PCDHGA10: variants seen among roughly 807,000 people sequenced by gnomAD.
PCDHGA10 encodes the protein protocadherin gamma-A10.
A neutral mutation model predicts 59.5 loss-of-function variants in PCDHGA10; 42 were observed. The observed-to-expected ratio is 0.71, with a 90% CI of 0.55 to 0.91. The LOEUF (loss-of-function observed/expected upper bound fraction) is 0.91. Ranked by LOEUF, PCDHGA10 falls within the 40% of genes least tolerant of loss-of-function variation. PCDHGA10 has a pLI of 0.00. For missense variants in PCDHGA10, 1,111 were observed against 1,198.2 expected, an observed-to-expected ratio of 0.93 and a Z score of 1.07; for synonymous variants, 511 against 517.2, an observed-to-expected ratio of 0.99 and a Z score of 0.16.
At chr5:141,421,565 A>G (rs1373619696) in intron 1 of PCDHGA10, 1 of 1,613,952 alleles carries the variant, frequency 6.2e-7, no homozygotes, top group Admixed American at 1.7e-5. Context: ...CTCGTGGAAG[A>G]CACCTTGAAG....
At position 141,414,009 on chromosome 5, in the gene PCDHGA10, TGGA is replaced by T. The variant is rs2095701451; in HGVS notation, c.836_838del (p.Gly279del). 2 of 1,612,964 alleles carry T rather than the reference TGGA, an allele frequency of 1.2e-6. No homozygotes were observed. The highest frequency in any genetic ancestry group is 1.7e-4 in the Middle Eastern group (1 of 6,060). ...CCACCGACAGGGACGAAGGTGCCAA[TGGA>T]GAAGTGACATATTCATTCCGAAAAT... is the stretch of plus-strand genomic sequence containing the variant. On this transcript the variant is annotated inframe_deletion, in exon 1 of 4. Transcript: ENST00000398610.
In PCDHGA10 at chr5:141,477,868, C is replaced by T. The variant is rs1450078298; in HGVS notation, c.2437-16939C>T. 2 of 1,613,750 alleles carry T rather than the reference C, an allele frequency of 1.2e-6. No individual in the cohort carries two copies. Among genetic ancestry groups the T allele is most frequent in the Admixed American group, 3.3e-5 (2 of 59,988 alleles). On this transcript the variant is annotated intron_variant, in intron 1 of 3. Coordinates refer to ENST00000398610, the MANE Select transcript of PCDHGA10 (RefSeq NM_018913.3). This position sits in a 1 kb window ranked among gnomAD's most constrained non-coding sequence, Gnocchi z 4.9. ...CGGTGGAGATGCTGCCTCGAGGTAC[C>T]TCAGCTGGCCACCTAGTGTCACGGG...
chr5:141,478,435 G>A, intron 1 of PCDHGA10: 1 of 1,613,736 alleles, frequency 6.2e-7, no homozygotes, highest in Non-Finnish European at 8.5e-7. Context: ...ACCCGCTGCT[G>A]AAGAAACCTG....
intron 1 of PCDHGA10, among the ~76,000 whole-genome samples, chr5:141,450,547 C>T (rs182695399): frequency 3.4e-4 from 51 of 150,496 alleles, no homozygotes; most frequent in African/African-American, 1.0e-3. Context: ...AATGCAGTGG[C>T]GCAGTCTCGG....
intron 1 of PCDHGA10, chr5:141,478,305 C>T (rs775282798): frequency 2.5e-6 from 4 of 1,614,092 alleles, no homozygotes; most frequent in East Asian, 2.2e-5. Flanking sequence ...TACCGAGCCC[C>T]GGTGAGCTCA....
At chr5:141,419,276 CAA>C in intron 1 of PCDHGA10, 4 of 1,614,038 alleles carry the variant, frequency 2.5e-6, no homozygotes, top group Non-Finnish European at 3.4e-6. Flanking sequence ...CTCCATAGCG[CAA>C]GTCAGTGCCT....
chr5:141,459,827 A>T (rs779024675), intron 1 of PCDHGA10, among the ~76,000 whole-genome samples: 1 of 152,126 alleles, frequency 6.6e-6, no homozygotes, highest in Non-Finnish European at 1.5e-5. Context: ...GCAACTTTTC[A>T]TGTGTTGTCT....
At chr5:141,416,497 T>G (rs1426816820) in intron 1 of PCDHGA10, 3 of 152,116 alleles carry the variant, frequency 2.0e-5, no homozygotes, top group Non-Finnish European at 4.4e-5. Context: ...GAGCAAGAGA[T>G]ATATGACAAA....
In PCDHGA10 at chr5:141,415,465, A is replaced by G. The variant is rs751798354; in HGVS notation, c.2290A>G (p.Thr764Ala). 1.2e-5 allele frequency: 19 copies of G among 1,613,976 alleles called. No individual in the cohort carries two copies. The highest frequency in any genetic ancestry group is 1.5e-5 in the Non-Finnish European group (18 of 1,180,028). Reference sequence around the variant, plus strand: ...GACCTATTCCCACGAGGTCTCTCTCACCGCGGACTCGCGAAAGAGTCACCT... The same window carrying G: ...GACCTATTCCCACGAGGTCTCTCTCGCCGCGGACTCGCGAAAGAGTCACCT... ...LQTYSHEVSL[T>A]ADSRKSHLIF... Residue 764 changes from threonine (T) to alanine (A), a missense_variant, in exon 1 of 4, where the codon ACC becomes GCC. Coordinates refer to ENST00000398610, the MANE Select transcript of PCDHGA10 (RefSeq NM_018913.3).
chr5:141,476,040 G>T lies in PCDHGA10; in HGVS notation c.2437-18767G>T. On this transcript the variant is annotated intron_variant, in intron 1 of 3. Coordinates refer to ENST00000398610, the MANE Select transcript of PCDHGA10 (RefSeq NM_018913.3). This position sits in a 1 kb window ranked among gnomAD's most constrained non-coding sequence, Gnocchi z 7.6. ...CGGACTCGGCGCCCAGCGCCCAAGC[G>T]CTAACCCGCTGAAAGTTTCTCAGCG... is the stretch of plus-strand genomic sequence containing the variant. 1 of 1,488,704 alleles carries T rather than the reference G, an allele frequency of 6.7e-7. No homozygotes were observed. 92.2% of individuals were successfully genotyped at this position (1,488,704 alleles called of 1,614,324 possible).
intron 1 of PCDHGA10, among the ~76,000 whole-genome samples, chr5:141,436,557 A>G (rs1224841336): frequency 6.6e-6 from 1 of 152,218 alleles, no homozygotes; most frequent in Non-Finnish European, 1.5e-5. Flanking sequence ...GAGCTTCAGC[A>G]AAGTAGGAAT....
In PCDHGA10 at chr5:141,485,556, A is replaced by T; in HGVS notation, c.2437-9251A>T. On this transcript the variant is annotated intron_variant, in intron 1 of 3. Coordinates refer to ENST00000398610, the MANE Select transcript of PCDHGA10 (RefSeq NM_018913.3). This position sits in a 1 kb window ranked among gnomAD's most constrained non-coding sequence, Gnocchi z 5.7. ...GAGGTAGAGATCGTAGATGTGAATG[A>T]TCACGCCCCCCGTTTTCCGCGGCAG... is the stretch of plus-strand genomic sequence containing the variant. The T allele has an allele frequency of 6.2e-7, 1 of 1,613,664 alleles. No homozygotes were observed. Among genetic ancestry groups the T allele is most frequent in the Non-Finnish European group, 8.5e-7 (1 of 1,179,644 alleles).
intron 1 of PCDHGA10, chr5:141,419,226 C>T (rs560904796): frequency 1.9e-6 from 3 of 1,614,006 alleles, no homozygotes; most frequent in East Asian, 2.2e-5. Context: ...GGACAGTCAG[C>T]CTACCTGGTC....
chr5:141,445,456 T>A (rs921684111), intron 1 of PCDHGA10, among the ~76,000 whole-genome samples: 8 of 152,218 alleles, frequency 5.3e-5, no homozygotes, highest in Non-Finnish European at 1.0e-4. Flanking sequence ...GATGCAGCAA[T>A]GAACAAGGCA....
In PCDHGA10 at chr5:141,413,494, G is replaced by A. The variant is rs778441176; in HGVS notation, c.319G>A (p.Val107Met). The A allele has an allele frequency of 2.5e-5, 41 of 1,613,924 alleles. No homozygotes were observed. Among genetic ancestry groups the A allele is most frequent in the Non-Finnish European group, 3.1e-5 (37 of 1,179,948 alleles). Residue 107 changes from valine to methionine, a missense_variant, in exon 1 of 4, where the codon GTG becomes ATG. Val to Met is a conservative substitution (Grantham distance 21, BLOSUM62 1). Transcript: ENST00000398610. ...EELCAQSARCVVSFNILVEDR... is the reference protein window; with the variant it reads ...EELCAQSARCMVSFNILVEDR... Reference sequence around the variant, plus strand: ...GCTCTGCGCTCAGAGCGCGCGGTGCGTGGTGAGTTTTAATATCCTTGTGGA... The same window carrying A: ...GCTCTGCGCTCAGAGCGCGCGGTGCATGGTGAGTTTTAATATCCTTGTGGA...
Position 141,414,251 on chromosome 5 carries a change from C to T in PCDHGA10, c.1076C>T (p.Pro359Leu). 3 of 1,613,346 alleles carry T rather than the reference C, an allele frequency of 1.9e-6. No individual in the cohort carries two copies. The highest frequency in any genetic ancestry group is 2.5e-6 in the Non-Finnish European group (3 of 1,179,710). ...PELTITSLFS[P>L]VTEDSPLGTV... ...CTGACCATCACGTCTCTATTTAGTC[C>T]AGTGACTGAAGATTCACCTCTGGGA... Residue 359 changes from proline to leucine, a missense_variant, in exon 1 of 4, where the codon CCA (proline) becomes CTA (leucine). Coordinates refer to ENST00000398610, the MANE Select transcript of PCDHGA10 (RefSeq NM_018913.3).
chr5:141,477,453 A>G lies in PCDHGA10; in HGVS notation c.2437-17354A>G, dbSNP rs886363658. 1 of 1,614,018 alleles carries G rather than the reference A, an allele frequency of 6.2e-7. No homozygotes were observed. Among genetic ancestry groups the G allele is most frequent in the African/African-American group, 1.3e-5 (1 of 74,910 alleles). The stretch of plus-strand genomic sequence containing the variant: ...TCAGCCCTTACAATAGTGCGTGTTC[A>G]AGTGTCCGACATCAATGACAACCCT... On this transcript the variant is annotated intron_variant, in intron 1 of 3. Coordinates refer to ENST00000398610, the MANE Select transcript of PCDHGA10 (RefSeq NM_018913.3). This position sits in a 1 kb window ranked among gnomAD's most constrained non-coding sequence, Gnocchi z 4.9.
chr5:141,485,431 C>G lies in PCDHGA10; in HGVS notation c.2437-9376C>G, dbSNP rs1594481071. ...ATTTGGACAGCGGAGCCCTGCTCAT[C>G]AAGAACCCAATCGACCGAGAGGCAC... On this transcript the variant is annotated intron_variant, in intron 1 of 3. Coordinates refer to ENST00000398610, the MANE Select transcript of PCDHGA10 (RefSeq NM_018913.3). The surrounding 1 kb of genome is among the most constrained non-coding windows in gnomAD (Gnocchi z 5.7). 8.7e-6 allele frequency: 14 copies of G among 1,614,198 alleles called. No homozygotes were observed. Among genetic ancestry groups the G allele is most frequent in the Non-Finnish European group, 1.1e-5 (13 of 1,180,038 alleles).
At position 141,485,326 on chromosome 5, in the gene PCDHGA10, T is replaced by C. The variant is rs2154580391; in HGVS notation, c.2437-9481T>C. On this transcript the variant is annotated intron_variant, in intron 1 of 3. Coordinates refer to ENST00000398610, the MANE Select transcript of PCDHGA10 (RefSeq NM_018913.3). This position sits in a 1 kb window ranked among gnomAD's most constrained non-coding sequence, Gnocchi z 5.7. ...CTTTTGTAGGGAATGTCGCTCAAGATTTCCTGCTGGATACGGACAGTCTGT... is the reference window on the plus strand; with the variant it reads ...CTTTTGTAGGGAATGTCGCTCAAGACTTCCTGCTGGATACGGACAGTCTGT... 1 of 1,614,106 alleles carries C rather than the reference T, an allele frequency of 6.2e-7. No homozygotes were observed. The highest frequency in any genetic ancestry group is 1.7e-5 in the Admixed American group (1 of 60,028).
Sources: gnomAD v4.1 joint callset for allele counts (sites outside exome capture counted in the v4.1 genomes callset) on GRCh38, gnomAD v4.1.1 for gene constraint, Gnocchi (gnomAD v3.1) non-coding constraint, MANE v1.5 for transcripts, NCBI Gene and HGNC (gene_info 2026-07-23, HGNC 2026-07-21) for gene names.